CORO1C: variants seen among roughly 807,000 people sequenced by gnomAD.
The protein encoded by CORO1C is coronin-1C.
A neutral mutation model predicts 51.2 loss-of-function variants in CORO1C; 14 were observed. The ratio of observed to expected loss-of-function variants is 0.27; its 90% confidence interval spans 0.18 to 0.43. The LOEUF (loss-of-function observed/expected upper bound fraction) is 0.43. CORO1C is among the 20% of genes least tolerant of loss of function. The pLI is 1.00. For missense variants in CORO1C, 417 were observed against 607.8 expected, an observed-to-expected ratio of 0.69 and a Z score of 3.30; for synonymous variants, 181 against 210.5, an observed-to-expected ratio of 0.86 and a Z score of 1.21.
chr12:108,721,572 G>A (rs912481210), intron 1 of CORO1C, among the ~76,000 whole-genome samples: 3 of 152,050 alleles, frequency 2.0e-5, no homozygotes, highest in Non-Finnish European at 4.4e-5. Context: ...TTGTGAATAC[G>A]AATTTTTTAA....
chr12:108,701,087 G>A, intron 2 of CORO1C, 37 bp downstream of exon 2: 1 of 1,600,398 alleles, frequency 6.2e-7, no homozygotes, highest in Non-Finnish European at 8.6e-7. Flanking sequence ...GAGACTATCA[G>A]AGGGTGTCTA....
chr12:108,652,437 A>C lies in CORO1C; in HGVS notation c.856-20T>G. ...GTCACCCTGTAAGAAACCAGAGACA[A>C]GTCTGTGTCTGATTGTTAACTGAAA... On this transcript the variant is annotated intron_variant, in intron 7 of 10. Coordinates refer to ENST00000261401, the MANE Select transcript of CORO1C (RefSeq NM_014325.4). 1 of 1,605,592 alleles carries C rather than the reference A, an allele frequency of 6.2e-7. No homozygotes were observed. Among genetic ancestry groups the C allele is most frequent in the Non-Finnish European group, 8.5e-7 (1 of 1,172,636 alleles).
intron 1 of CORO1C, among the ~76,000 whole-genome samples, chr12:108,726,394 T>C (rs1446353629): frequency 6.7e-6 from 1 of 149,034 alleles, no homozygotes; most frequent in African/African-American, 2.5e-5. Flanking sequence ...ACTCCAGCAC[T>C]CTAGCCTGGG....
intron 1 of CORO1C, among the ~76,000 whole-genome samples, chr12:108,706,757 T>G (rs1192427235): frequency 1.3e-5 from 2 of 152,192 alleles, no homozygotes; most frequent in Non-Finnish European, 2.9e-5. Flanking sequence ...CTAATTTTTG[T>G]ATTTTTAGCA....
chr12:108,663,681 G>A (rs541164367), intron 3 of CORO1C, among the ~76,000 whole-genome samples: 14 of 152,336 alleles, frequency 9.2e-5, no homozygotes, highest in South Asian at 2.1e-4. Context: ...GTTGGGGAGA[G>A]TGGAGGGAGG....
intron 3 of CORO1C, among the ~76,000 whole-genome samples, chr12:108,665,873 G>A (rs1204858157): frequency 1.3e-5 from 2 of 152,182 alleles, no homozygotes; most frequent in East Asian, 3.8e-4. Flanking sequence ...ACCTTTCCAG[G>A]ACTTAATATT....
At chr12:108,716,640 T>C (rs1437820228) in intron 1 of CORO1C, among the ~76,000 whole-genome samples, 1 of 152,192 alleles carries the variant, frequency 6.6e-6, no homozygotes, top group Non-Finnish European at 1.5e-5. Context: ...CTAGATCATT[T>C]TGGTCCTCTG....
intron 1 of CORO1C, among the ~76,000 whole-genome samples, chr12:108,714,281 C>A (rs562671236): frequency 6.6e-6 from 1 of 150,900 alleles, no homozygotes; most frequent in African/African-American, 2.4e-5. Context: ...CCCAGCTACT[C>A]GGGAGGCTGA....
chr12:108,678,458 C>T, intron 2 of CORO1C, 64 bp from the exon 3 acceptor site: 1 of 1,354,430 alleles, frequency 7.4e-7, no homozygotes. Flanking sequence ...TACATTTTCT[C>T]AGGCCCATTT....
At chr12:108,689,110 G>C (rs569062770) in intron 2 of CORO1C, among the ~76,000 whole-genome samples, 1 of 152,030 alleles carries the variant, frequency 6.6e-6, no homozygotes, top group Admixed American at 6.5e-5. Context: ...TGAGGTGGGA[G>C]AATCACTTGA....
At chr12:108,671,800 T>C (rs61934130) in intron 3 of CORO1C, among the ~76,000 whole-genome samples, 20,820 of 152,190 alleles carry the variant, frequency 0.14, 1,821 homozygotes, top group Non-Finnish European at 0.2. Context: ...TCTCACTCTG[T>C]TAACCAGGCT....
At chr12:108,725,848 C>CCGCCCAGGCTGGAGTGCAACTCTGT (rs1174436895) in intron 1 of CORO1C, among the ~76,000 whole-genome samples, 2 of 152,082 alleles carry the variant, frequency 1.3e-5, no homozygotes, top group African/African-American at 2.4e-5. Context: ...TCTTTCTCTG[C>CCGCCCAGGCTGGAGTGCAACTCTGT]CGCCCAGGCT....
At chr12:108,681,960 A>C (rs1240673862) in intron 2 of CORO1C, among the ~76,000 whole-genome samples, 1 of 152,168 alleles carries the variant, frequency 6.6e-6, no homozygotes, top group Non-Finnish European at 1.5e-5. Context: ...GATCAGACTT[A>C]AAAATTGACT....
intron 3 of CORO1C, among the ~76,000 whole-genome samples, chr12:108,663,608 T>C (rs144878552): frequency 3.9e-4 from 59 of 152,330 alleles, no homozygotes; most frequent in African/African-American, 1.4e-3. Flanking sequence ...GGATTCCATG[T>C]ATGTGAAATG....
chr12:108,720,055 G>A (rs190339734), intron 1 of CORO1C, among the ~76,000 whole-genome samples: 7 of 152,170 alleles, frequency 4.6e-5, no homozygotes, highest in South Asian at 2.1e-4. Context: ...GCATAGTGGC[G>A]TATGCCTGTA....
chr12:108,731,505 T>A lies in CORO1C; in HGVS notation c.-82A>T, dbSNP rs1010263400. ...GGCGAAGCCTCCAACCGCTGCCGCCTCCAGCCTGGCACTGAGCGCCGTGCG... is the reference window on the plus strand; with the variant it reads ...GGCGAAGCCTCCAACCGCTGCCGCCACCAGCCTGGCACTGAGCGCCGTGCG... On this transcript the variant is annotated 5_prime_UTR_variant, in exon 1 of 11. Transcript: ENST00000261401. This position sits in a 1 kb window ranked among gnomAD's most constrained non-coding sequence, Gnocchi z 5.2. 2.0e-5 allele frequency: 3 copies of A among 151,528 alleles called. No homozygotes were observed. Among genetic ancestry groups the A allele is most frequent in the Non-Finnish European group, 2.9e-5 (2 of 67,910 alleles). The allele number at this position is 151,528 out of a possible 1,614,324, so 9.4% of individuals were successfully genotyped here.
intron 3 of CORO1C, among the ~76,000 whole-genome samples, chr12:108,677,417 T>A (rs1592888435): frequency 6.6e-6 from 1 of 152,338 alleles, no homozygotes; most frequent in African/African-American, 2.4e-5. Flanking sequence ...ACCTTTCACG[T>A]TTTTTGTTTG....
At chr12:108,688,915 G>A (rs905048565) in intron 2 of CORO1C, among the ~76,000 whole-genome samples, 18 of 152,056 alleles carry the variant, frequency 1.2e-4, no homozygotes, top group Non-Finnish European at 1.5e-5. Flanking sequence ...CTGTAATCCC[G>A]GCTACTCGGG....
chr12:108,715,589 G>A (rs549042707), intron 1 of CORO1C, among the ~76,000 whole-genome samples: 2 of 151,716 alleles, frequency 1.3e-5, no homozygotes, highest in Admixed American at 6.6e-5. Context: ...CTGAAGAAAC[G>A]TCCCTTGGGA....
Sources: gnomAD v4.1 joint callset for allele counts (sites outside exome capture counted in the v4.1 genomes callset) on GRCh38, gnomAD v4.1.1 for gene constraint, Gnocchi (gnomAD v3.1) non-coding constraint, MANE v1.5 for transcripts, NCBI Gene and HGNC (gene_info 2026-07-23, HGNC 2026-07-21) for gene names.